GABRA5: variants seen among roughly 807,000 people sequenced by gnomAD.
GABRA5 encodes gamma-aminobutyric acid type A receptor subunit alpha5.
In GABRA5, 18 loss-of-function variants were observed where a neutral mutation model predicts 47.3. The observed-to-expected ratio is 0.38, with a 90% CI of 0.26 to 0.56. The LOEUF (loss-of-function observed/expected upper bound fraction) is 0.56. GABRA5 is among the 20% of genes least tolerant of loss of function. The pLI, the probability that GABRA5 is intolerant of heterozygous loss-of-function variation, is 0.71. For synonymous variants in GABRA5, 237 were observed against 229.3 expected (o/e 1.03, Z -0.30); for missense variants, 365 against 599.3 (o/e 0.61, Z 4.08).
In GABRA5 at chr15:26,883,170, C is replaced by G. The variant is rs762511125; in HGVS notation, c.213C>G (p.Arg71=). 25 of 1,613,536 alleles carry G rather than the reference C, an allele frequency of 1.5e-5. No individual in the cohort carries two copies. Among genetic ancestry groups the G allele is most frequent in the Non-Finnish European group, 7.6e-6 (9 of 1,179,610 alleles). The change falls in exon 5 of 11, where the codon CGC becomes CGG. Residue 71 remains arginine (R), a synonymous_variant. Transcript: ENST00000335625. The surrounding 1 kb of genome is among the most constrained non-coding windows in gnomAD (Gnocchi z 4.8). ...DNRLRPGLGE[R]ITQVRTDIYV... ...GGACCTGTGTCTGTCTTTCAGAGCG[C>G]ATCACTCAGGTGAGGACCGACATCT...
rs756479195 is a variant in GABRA5, at chr15:26,883,110, G to C, written c.209-56G>C. The C allele has an allele frequency of 1.2e-5, 17 of 1,410,262 alleles. No homozygotes were observed. Among genetic ancestry groups the C allele is most frequent in the Admixed American group, 5.0e-5 (3 of 59,754 alleles). The allele number at this position is 1,410,262 out of a possible 1,614,324, so 87.4% of individuals were successfully genotyped here. ...GTTACTGGACTGAGAGCACGAGAGT[G>C]TGCCAGACGCGCAGGGTGGGTCGGT... On this transcript the variant is annotated intron_variant, in intron 4 of 10. Coordinates refer to ENST00000335625, the MANE Select transcript of GABRA5 (RefSeq NM_000810.4). This position sits in a 1 kb window ranked among gnomAD's most constrained non-coding sequence, Gnocchi z 4.8.
chr15:26,880,115 C>T (rs1029691219), intron 3 of GABRA5, among the ~76,000 whole-genome samples: 4 of 152,202 alleles, frequency 2.6e-5, no homozygotes, highest in African/African-American at 9.7e-5. Flanking sequence ...TAGTTTTGTT[C>T]TGCTCATATT....
At chr15:26,939,452 C>T (rs758367167) in intron 8 of GABRA5, 5 of 760,794 alleles carry the variant, frequency 6.6e-6, no homozygotes, top group South Asian at 2.7e-5. Flanking sequence ...TCTGCACCTG[C>T]GACACAGCCA....
intron 3 of GABRA5, among the ~76,000 whole-genome samples, chr15:26,876,685 A>G (rs141229165): frequency 1.3e-5 from 2 of 152,116 alleles, no homozygotes; most frequent in Admixed American, 6.6e-5. Context: ...CATATGGACA[A>G]ATCTCCCAGT....
rs775213302 is a variant in GABRA5 at position 26,883,244 on chromosome 15, G to A, written c.276+11G>A. On this transcript the variant is annotated intron_variant, in intron 5 of 10. Transcript: ENST00000335625. This position sits in a 1 kb window ranked among gnomAD's most constrained non-coding sequence, Gnocchi z 4.8. Reference sequence around the variant, plus strand: ...TCCGACACGGAAATGGTAGGTCCCGGGGCATGGCTGGGCAGACAATTCTTA... The same window carrying A: ...TCCGACACGGAAATGGTAGGTCCCGAGGCATGGCTGGGCAGACAATTCTTA... The A allele has an allele frequency of 1.4e-5, 22 of 1,613,658 alleles. No homozygotes were observed. Among genetic ancestry groups the A allele is most frequent in the East Asian group, 2.2e-5 (1 of 44,860 alleles).
intron 8 of GABRA5, among the ~76,000 whole-genome samples, chr15:26,938,005 CAGCCTTGGAGAAA>C (rs1894288052): frequency 6.6e-6 from 1 of 152,232 alleles, no homozygotes; most frequent in Non-Finnish European, 1.5e-5. Flanking sequence ...AGAGCCTCTG[CAGCCTTGGAGAAA>C]AGCCTAAAGG....
chr15:26,907,945 A>G (rs1893484568), intron 6 of GABRA5, among the ~76,000 whole-genome samples: 1 of 152,170 alleles, frequency 6.6e-6, no homozygotes, highest in Admixed American at 6.5e-5. Flanking sequence ...TTTCTTTAGT[A>G]AACAAATTTG....
intron 7 of GABRA5, among the ~76,000 whole-genome samples, chr15:26,921,160 A>G (rs1893834454): frequency 1.3e-5 from 2 of 151,938 alleles, no homozygotes; most frequent in African/African-American, 4.8e-5. Flanking sequence ...AAGTATTCCC[A>G]CCTTTTTTAT....
intron 9 of GABRA5, among the ~76,000 whole-genome samples, chr15:26,942,913 G>A (rs1566888604): frequency 2.0e-5 from 3 of 152,044 alleles, no homozygotes; most frequent in Admixed American, 6.6e-5. Context: ...GCAAAACCTC[G>A]TCTCTATTAA....
intron 6 of GABRA5, among the ~76,000 whole-genome samples, chr15:26,893,641 C>G (rs926285286): frequency 1.3e-5 from 2 of 152,012 alleles, no homozygotes; most frequent in Non-Finnish European, 2.9e-5. Flanking sequence ...TTCACTAAGC[C>G]CTGTCTGCGG....
rs1595430033 is a variant in GABRA5, at chr15:26,930,022, T to G, written c.581-7163T>G. ...CTTCTTCTTCTTTTTTTTTTTTTTTTGTTTTTTGTTTTTTGAGATGGAGTT... is the reference window on the plus strand; with the variant it reads ...CTTCTTCTTCTTTTTTTTTTTTTTTGGTTTTTTGTTTTTTGAGATGGAGTT... On this transcript the variant is annotated intron_variant, in intron 7 of 10. Coordinates refer to ENST00000335625, the MANE Select transcript of GABRA5 (RefSeq NM_000810.4). Among the ~76,000 whole-genome samples, 5 of 123,990 alleles carry G rather than the reference T, an allele frequency of 4.0e-5. No homozygotes were observed. The Admixed American group carries it at 4.2e-4, about 10-fold the overall frequency. 81.3% of individuals were successfully genotyped at this position (123,990 alleles called of 152,430 possible).
intron 7 of GABRA5, among the ~76,000 whole-genome samples, chr15:26,931,406 G>A (rs895399231): frequency 3.9e-5 from 6 of 152,138 alleles, no homozygotes; most frequent in South Asian, 2.1e-4. Context: ...TGGTAGGAGC[G>A]AGGGGTCTCT....
At chr15:26,881,403 T>C (rs1892726684) in intron 4 of GABRA5, among the ~76,000 whole-genome samples, 1 of 152,220 alleles carries the variant, frequency 6.6e-6, no homozygotes, top group Non-Finnish European at 1.5e-5. Flanking sequence ...CACTGTGGAA[T>C]GCAGTCATCC....
intron 6 of GABRA5, among the ~76,000 whole-genome samples, chr15:26,893,053 G>A (rs1399418467): frequency 6.6e-6 from 1 of 151,088 alleles, no homozygotes; most frequent in Admixed American, 6.6e-5. Flanking sequence ...TGGTGTGTCT[G>A]TTGTGTGTGT....
At chr15:26,911,547 G>C (rs572067269) in intron 6 of GABRA5, among the ~76,000 whole-genome samples, 1 of 152,326 alleles carries the variant, frequency 6.6e-6, no homozygotes, top group Non-Finnish European at 1.5e-5. Context: ...CACCATGGCA[G>C]AAGGAGCGGC....
At position 26,914,935 on chromosome 15, in the gene GABRA5, A is replaced by G. The variant is rs774801320; in HGVS notation, c.580+50A>G. 7 of 1,417,014 alleles carry G rather than the reference A, an allele frequency of 4.9e-6. No homozygotes were observed. The East Asian group carries it at 1.6e-4, about 32-fold the overall frequency. The allele number at this position is 1,417,014 out of a possible 1,614,324, so 87.8% of individuals were successfully genotyped here. A position where few individuals can be genotyped will look rare whatever the true frequency, so the allele number is the denominator to read the frequency against. On this transcript the variant is annotated intron_variant, in intron 7 of 10. Transcript: ENST00000335625. Reference sequence around the variant, plus strand: ...CCTTGGACATATACTTTGGGGATCAATTCCACATTTATTCAGAAGAATTTA... The same window carrying G: ...CCTTGGACATATACTTTGGGGATCAGTTCCACATTTATTCAGAAGAATTTA...
At chr15:26,922,235 T>A (rs183185147) in intron 7 of GABRA5, among the ~76,000 whole-genome samples, 1 of 152,322 alleles carries the variant, frequency 6.6e-6, no homozygotes. Flanking sequence ...CACTTTCAAG[T>A]AAATCAATTT....
At chr15:26,870,319 G>A (rs561958896) in intron 3 of GABRA5, among the ~76,000 whole-genome samples, 1 of 152,304 alleles carries the variant, frequency 6.6e-6, no homozygotes, top group African/African-American at 2.4e-5. Flanking sequence ...CTGCTCTTCT[G>A]ACTCTTCTGT....
At chr15:26,944,111 G>A (rs1894454700) in intron 10 of GABRA5, among the ~76,000 whole-genome samples, 1 of 152,222 alleles carries the variant, frequency 6.6e-6, no homozygotes, top group Non-Finnish European at 1.5e-5. Context: ...GGAGGTCAGA[G>A]CCATCGGGGC....
Sources: gnomAD v4.1 joint callset for allele counts (sites outside exome capture counted in the v4.1 genomes callset) on GRCh38, gnomAD v4.1.1 for gene constraint, Gnocchi (gnomAD v3.1) non-coding constraint, MANE v1.5 for transcripts, NCBI Gene and HGNC (gene_info 2026-07-23, HGNC 2026-07-21) for gene names.